Variants in PRDM2 observed in about 807,000 individuals in gnomAD.
PRDM2 encodes PR domain zinc finger protein 2.
Under a neutral mutation model 130.0 loss-of-function variants are expected in PRDM2, and 30 were observed. The observed-to-expected ratio is 0.23, with a 90% confidence interval of 0.17 to 0.31. The LOEUF (loss-of-function observed/expected upper bound fraction) is 0.31. Ranked by LOEUF, PRDM2 falls within the 10% of genes least tolerant of loss-of-function variation. PRDM2 has a pLI of 1.00. For synonymous variants in PRDM2, 871 were observed against 782.4 expected, an observed-to-expected ratio of 1.11 and a Z score of -1.89; for missense variants, 2,011 against 2,108.4, an observed-to-expected ratio of 0.95 and a Z score of 0.90.
chr1:13,798,180 T>C (rs1228577876), intron 8 of PRDM2, among the ~76,000 whole-genome samples: 1 of 152,084 alleles, frequency 6.6e-6, no homozygotes, highest in Non-Finnish European at 1.5e-5. Context: ...GAACTCAGTA[T>C]TTGTGGAAGA....
At chr1:13,786,424 T>C in intron 8 of PRDM2, 1 of 1,521,682 alleles carries the variant, frequency 6.6e-7, no homozygotes, top group South Asian at 1.1e-5. Context: ...ATAACATTTG[T>C]CTTACGGTCT....
chr1:13,749,284 C>A (rs1187287482), intron 5 of PRDM2, 77 bp from the exon 6 acceptor site: 2 of 1,258,872 alleles, frequency 1.6e-6, no homozygotes, highest in East Asian at 9.7e-5. Flanking sequence ...CTCCCGCCCG[C>A]GTCCCGGTGC....
chr1:13,761,619 T>A (rs1644100379), intron 6 of PRDM2, among the ~76,000 whole-genome samples: 2 of 152,148 alleles, frequency 1.3e-5, no homozygotes, highest in South Asian at 4.1e-4. Context: ...GTCTACCAAA[T>A]GTTGTGTTTA....
chr1:13,743,833 T>C (rs1486339916), intron 5 of PRDM2, among the ~76,000 whole-genome samples: 1 of 152,248 alleles, frequency 6.6e-6, no homozygotes, highest in Non-Finnish European at 1.5e-5. Context: ...TGTTACACTT[T>C]CTTATTTAGG....
intron 8 of PRDM2, among the ~76,000 whole-genome samples, chr1:13,801,709 T>C (rs1645009378): frequency 6.6e-6 from 1 of 152,270 alleles, no homozygotes; most frequent in Non-Finnish European, 1.5e-5. Context: ...AAATGTTAGC[T>C]GCAATTATGC....
At chr1:13,769,300 T>G (rs1253088625) in intron 6 of PRDM2, 1 of 378,422 alleles carries the variant, frequency 2.6e-6, no homozygotes, top group Non-Finnish European at 3.6e-6. Context: ...TCTTTTAATT[T>G]GATGACATAT....
At chr1:13,768,865 G>A (rs978096495) in intron 6 of PRDM2, among the ~76,000 whole-genome samples, 1 of 152,206 alleles carries the variant, frequency 6.6e-6, no homozygotes, top group East Asian at 1.9e-4. Flanking sequence ...AGGGCGCACA[G>A]TACAGGCCCA....
chr1:13,749,503 C>T lies in PRDM2; in HGVS notation c.511+16C>T, dbSNP rs892494299. On this transcript the variant is annotated intron_variant, in intron 6 of 9. Transcript: ENST00000311066. Reference sequence around the variant, plus strand: ...AGCCGGAAAGGTAGGAGCCCCCCGGCCCGCCCGCCCGGCCCCGGCGCCACG... The same window carrying T: ...AGCCGGAAAGGTAGGAGCCCCCCGGTCCGCCCGCCCGGCCCCGGCGCCACG... 23 of 1,328,258 alleles carry T rather than the reference C, an allele frequency of 1.7e-5. No individual in the cohort carries two copies. Among genetic ancestry groups the T allele is most frequent in the Non-Finnish European group, 2.1e-5 (21 of 1,013,484 alleles). The allele number at this position is 1,328,258 out of a possible 1,614,324, so 82.3% of individuals were successfully genotyped here.
At chr1:13,809,869 T>A (rs376015043) in intron 8 of PRDM2, among the ~76,000 whole-genome samples, 1 of 152,134 alleles carries the variant, frequency 6.6e-6, no homozygotes, top group Non-Finnish European at 1.5e-5. Context: ...TTTTTCACAG[T>A]TCTGGAGACT....
chr1:13,767,491 T>A (rs569443319), intron 6 of PRDM2, among the ~76,000 whole-genome samples: 1 of 149,402 alleles, frequency 6.7e-6, no homozygotes, highest in African/African-American at 2.5e-5. Flanking sequence ...TTTTGGTAGA[T>A]ACGGGGGTCT....
intron 2 of PRDM2, among the ~76,000 whole-genome samples, chr1:13,724,943 G>A (rs1045303321): frequency 2.6e-5 from 4 of 152,100 alleles, no homozygotes; most frequent in South Asian, 2.1e-4. Context: ...AGGGGAGAAC[G>A]TAGGACATGA....
intron 1 of PRDM2, among the ~76,000 whole-genome samples, chr1:13,700,705 G>A (rs1047482048): frequency 2.0e-5 from 3 of 152,054 alleles, no homozygotes; most frequent in East Asian, 3.9e-4. Context: ...TTGTCAAGCC[G>A]CTGTGCTTTT....
intron 8 of PRDM2, among the ~76,000 whole-genome samples, chr1:13,802,656 G>A (rs1160217760): frequency 6.6e-6 from 1 of 152,172 alleles, no homozygotes; most frequent in Non-Finnish European, 1.5e-5. Flanking sequence ...CAATAATGAA[G>A]CTTTAGTGTC....
chr1:13,762,161 A>G (rs1296371992), intron 6 of PRDM2, among the ~76,000 whole-genome samples: 1 of 152,164 alleles, frequency 6.6e-6, no homozygotes, highest in Admixed American at 6.5e-5. Flanking sequence ...GCATTACCTC[A>G]TTTACTTCTC....
At position 13,779,615 on chromosome 1, in the gene PRDM2, T is replaced by C; in HGVS notation, c.1820T>C (p.Val607Ala). Residue 607 changes from valine to alanine, a missense_variant, in exon 8 of 10, where the codon GTG (valine) becomes GCG (alanine). By Grantham distance (64) the Val-to-Ala change is moderately conservative. This residue lies in a region of PRDM2 where 1,288 missense variants were observed against 1,237.7 expected (regional missense o/e 1.04). Coordinates refer to ENST00000311066, the MANE Select transcript of PRDM2 (RefSeq NM_001393986.1). The surrounding 1 kb of genome is among the most constrained non-coding windows in gnomAD (Gnocchi z 4.9). Reference protein sequence around the residue: ...GINCLLTPVTVEITQNIKTTQ... With the variant: ...GINCLLTPVTAEITQNIKTTQ... ...AATTGTCTGCTCACTCCAGTTACAGTGGAAATTACTCAAAATATAAAGACC... is the reference window on the plus strand; with the variant it reads ...AATTGTCTGCTCACTCCAGTTACAGCGGAAATTACTCAAAATATAAAGACC... The C allele has an allele frequency of 6.2e-7, 1 of 1,614,028 alleles. No individual in the cohort carries two copies. The highest frequency in any genetic ancestry group is 1.7e-5 in the Admixed American group (1 of 59,998).
rs533707224 is a variant in PRDM2, at chr1:13,810,786, A to G, written c.5037-5641A>G. 1.3e-5 allele frequency among the ~76,000 whole-genome samples: 2 copies of G among 151,264 alleles called. 1 individual carries two copies. The highest frequency in any genetic ancestry group is 4.3e-4 in the South Asian group (2 of 4,670). ...TGGGATTACAGGCGTGAGCCACCGCACCTGGCTGAAAGCTTGAGTTCTGTG... is the reference window on the plus strand; with the variant it reads ...TGGGATTACAGGCGTGAGCCACCGCGCCTGGCTGAAAGCTTGAGTTCTGTG... On this transcript the variant is annotated intron_variant, in intron 8 of 9. Transcript: ENST00000311066.
At chr1:13,710,888 C>T (rs1162650222) in intron 1 of PRDM2, among the ~76,000 whole-genome samples, 1 of 152,136 alleles carries the variant, frequency 6.6e-6, no homozygotes, top group Non-Finnish European at 1.5e-5. Context: ...AGATCGAGAG[C>T]TTCCTGGCTA....
chr1:13,769,418 G>C (rs536645430), intron 6 of PRDM2, among the ~76,000 whole-genome samples: 2 of 152,310 alleles, frequency 1.3e-5, no homozygotes, highest in African/African-American at 2.4e-5. Flanking sequence ...CACCAAGCCT[G>C]TGTATGTGTG....
intron 1 of PRDM2, among the ~76,000 whole-genome samples, chr1:13,703,714 C>T (rs1251562975): frequency 1.3e-5 from 2 of 152,160 alleles, no homozygotes; most frequent in Non-Finnish European, 2.9e-5. Context: ...AGAGTTGATG[C>T]GTGGTAAATA....
Sources: allele counts gnomAD v4.1 joint callset (sites outside exome capture counted in the v4.1 genomes callset), GRCh38; gene constraint gnomAD v4.1.1; regional missense constraint gnomAD v4.1.1; non-coding constraint Gnocchi (gnomAD v3.1); transcripts MANE v1.5; gene names NCBI Gene and HGNC (gene_info 2026-07-23, HGNC 2026-07-21).